RALYL: variants seen among roughly 807,000 people sequenced by gnomAD.
The protein encoded by RALYL is RALY RNA binding protein like.
RALYL carries 29 observed loss-of-function variants against 35.1 expected under a neutral mutation model. That is an observed-to-expected ratio of 0.83 (90% CI 0.61 to 1.13). The LOEUF is 1.13. Ranked by LOEUF, RALYL falls within the 50% of genes most tolerant of loss-of-function variation. The pLI is 0.00. For synonymous variants in RALYL, 120 were observed against 127.6 expected (o/e 0.94, Z 0.40); for missense variants, 359 against 360.4 (o/e 1.00, Z 0.03).
At chr8:84,492,607 T>TA (rs796336222) in intron 1 of RALYL, among the ~76,000 whole-genome samples, 1 of 152,246 alleles carries the variant, frequency 6.6e-6, no homozygotes, top group African/African-American at 2.4e-5. Context: ...TTTAATCTGT[T>TA]AAAATCCCTT....
At chr8:84,548,221 G>T (rs548353156) in intron 2 of RALYL, among the ~76,000 whole-genome samples, 1 of 148,636 alleles carries the variant, frequency 6.7e-6, no homozygotes. Context: ...TTTCCATCTC[G>T]TATTTTTCTT....
chr8:84,311,086 A>ATAT (rs1563712415), intron 1 of RALYL, among the ~76,000 whole-genome samples: 1 of 127,140 alleles, frequency 7.9e-6, no homozygotes, highest in East Asian at 2.3e-4. Context: ...AAAAAAAAAA[A>ATAT]AAAAATGTAT....
At chr8:84,750,337 A>C (rs116981331) in intron 2 of RALYL, among the ~76,000 whole-genome samples, 1 of 152,214 alleles carries the variant, frequency 6.6e-6, no homozygotes. Flanking sequence ...ACCTTTACAC[A>C]TTAGTCTGAA....
intron 1 of RALYL, among the ~76,000 whole-genome samples, chr8:84,224,232 G>A (rs1823271185): frequency 6.6e-6 from 1 of 152,282 alleles, no homozygotes; most frequent in East Asian, 1.9e-4. Context: ...TAAGTATCCT[G>A]AGTCTAAGAG....
At chr8:84,565,044 T>C (rs1006798068) in intron 2 of RALYL, among the ~76,000 whole-genome samples, 6 of 151,634 alleles carry the variant, frequency 4.0e-5, no homozygotes, top group African/African-American at 9.7e-5. Flanking sequence ...CAAAAATTAT[T>C]TTAAATGTCT....
chr8:84,305,674 G>A lies in RALYL; in HGVS notation c.-24+121250G>A, dbSNP rs952484253. ...TTTGAAAACTTGTATTCCCTCTTCCGGTCTCATCCCCTATCTTCCCCTACT... is the reference window on the plus strand; with the variant it reads ...TTTGAAAACTTGTATTCCCTCTTCCAGTCTCATCCCCTATCTTCCCCTACT... On this transcript the variant is annotated intron_variant, in intron 1 of 8. Transcript: ENST00000521268. Among the ~76,000 whole-genome samples the A allele has an allele frequency of 5.3e-5, 8 of 152,082 alleles. No individual in the cohort carries two copies. The South Asian group carries it at 6.2e-4, about 12-fold the overall frequency.
chr8:84,865,589 T>C (rs933847840), intron 6 of RALYL, among the ~76,000 whole-genome samples: 1 of 152,174 alleles, frequency 6.6e-6, no homozygotes, highest in Non-Finnish European at 1.5e-5. Flanking sequence ...CAGCTTGTCC[T>C]TTCCTGACAT....
chr8:84,301,043 C>A (rs1840676365), intron 1 of RALYL, among the ~76,000 whole-genome samples: 1 of 151,844 alleles, frequency 6.6e-6, no homozygotes, highest in South Asian at 2.1e-4. Context: ...ATATTTAACC[C>A]CTGTGTAAGG....
intron 2 of RALYL, among the ~76,000 whole-genome samples, chr8:84,605,640 G>T (rs973425068): frequency 6.6e-6 from 1 of 152,080 alleles, no homozygotes; most frequent in African/African-American, 2.4e-5. Context: ...TGTACATTGG[G>T]TCTATTATTA....
At chr8:84,636,963 C>T (rs1053485332) in intron 2 of RALYL, among the ~76,000 whole-genome samples, 4 of 151,872 alleles carry the variant, frequency 2.6e-5, no homozygotes, top group African/African-American at 9.7e-5. Flanking sequence ...AACTATTCTG[C>T]TGTGGCTGGT....
intron 3 of RALYL, among the ~76,000 whole-genome samples, chr8:84,796,973 A>G (rs1822078099): frequency 1.3e-5 from 2 of 152,188 alleles, no homozygotes; most frequent in African/African-American, 4.8e-5. Context: ...CTGTGACTGA[A>G]TTCAGACTCC....
At chr8:84,836,502 AT>A (rs1563710604) in intron 4 of RALYL, among the ~76,000 whole-genome samples, 2 of 152,208 alleles carry the variant, frequency 1.3e-5, no homozygotes, top group African/African-American at 4.8e-5. Flanking sequence ...TATTTCATCA[AT>A]GAAACTTAGA....
At chr8:84,829,145 G>C (rs1166116094) in intron 4 of RALYL, among the ~76,000 whole-genome samples, 1 of 152,110 alleles carries the variant, frequency 6.6e-6, no homozygotes, top group Non-Finnish European at 1.5e-5. Context: ...GCAGGCAAGA[G>C]AGCATGTGCA....
chr8:84,309,913 C>A (rs1842452244), intron 1 of RALYL, among the ~76,000 whole-genome samples: 1 of 152,164 alleles, frequency 6.6e-6, no homozygotes. Flanking sequence ...TTAGTAGAGA[C>A]AGGCTTTCAC....
At chr8:84,909,064 T>C (rs1412476238) in intron 8 of RALYL, among the ~76,000 whole-genome samples, 2 of 152,126 alleles carry the variant, frequency 1.3e-5, no homozygotes, top group African/African-American at 2.4e-5. Flanking sequence ...TCTAGGTCAC[T>C]AGCCACTGCT....
chr8:84,782,213 A>T (rs913418953), intron 3 of RALYL, among the ~76,000 whole-genome samples: 8 of 152,200 alleles, frequency 5.3e-5, no homozygotes, highest in Admixed American at 6.5e-5. Context: ...ATGTAGCTAG[A>T]TCTACAGACT....
chr8:84,595,001 T>C (rs1814152141), intron 2 of RALYL, among the ~76,000 whole-genome samples: 1 of 152,050 alleles, frequency 6.6e-6, no homozygotes, highest in East Asian at 1.9e-4. Flanking sequence ...GCAAACTAAG[T>C]TTGTGATATA....
intron 1 of RALYL, among the ~76,000 whole-genome samples, chr8:84,258,300 C>CA (rs1166742630): frequency 7.9e-5 from 12 of 151,946 alleles, no homozygotes; most frequent in African/African-American, 2.9e-4. Flanking sequence ...TAATATATGA[C>CA]AAAATCAGAA....
chr8:84,256,849 T>G (rs113934671), intron 1 of RALYL, among the ~76,000 whole-genome samples: 2 of 152,076 alleles, frequency 1.3e-5, no homozygotes, highest in Non-Finnish European at 2.9e-5. Flanking sequence ...AATGCAAGCA[T>G]AAGAATTGAA....
Sources: gnomAD v4.1 joint callset for allele counts (sites outside exome capture counted in the v4.1 genomes callset) on GRCh38, gnomAD v4.1.1 for gene constraint, MANE v1.5 for transcripts, NCBI Gene and HGNC (gene_info 2026-07-23, HGNC 2026-07-21) for gene names.